The following RGSL1 variants were observed in gnomAD, a reference collection of about 807,000 sequenced individuals.
RGSL1 encodes regulator of G protein signaling protein-like.
Under a neutral mutation model 124.7 loss-of-function variants are expected in RGSL1, and 97 were observed. The observed-to-expected ratio is 0.78, with a 90% CI of 0.66 to 0.92. The LOEUF is 0.92. Ranked by LOEUF, RGSL1 falls within the 40% of genes least tolerant of loss-of-function variation. The pLI is 0.00. For missense variants in RGSL1, 1,233 were observed against 1,288.4 expected, an observed-to-expected ratio of 0.96 and a Z score of 0.66; for synonymous variants, 424 against 438.1, an observed-to-expected ratio of 0.97 and a Z score of 0.40.
intron 19 of RGSL1, among the ~76,000 whole-genome samples, chr1:182,553,919 C>T (rs1215350783): frequency 6.6e-6 from 1 of 152,158 alleles, no homozygotes; most frequent in African/African-American, 2.4e-5. Context: ...ACACTGAGAC[C>T]AACTGCTGAT....
chr1:182,522,206 T>C, intron 10 of RGSL1, 97 bp downstream of exon 10: 1 of 803,774 alleles, frequency 1.2e-6, no homozygotes, highest in Non-Finnish European at 2.0e-6. Context: ...TATGTGTAGG[T>C]TTTCAGACCC....
At chr1:182,469,367 C>T (rs34155813) in intron 4 of RGSL1, among the ~76,000 whole-genome samples, 1 of 152,028 alleles carries the variant, frequency 6.6e-6, no homozygotes. Context: ...TTAAACAAAA[C>T]ATTCCTCCAA....
chr1:182,500,823 T>G lies in RGSL1; in HGVS notation c.1825+7694T>G, dbSNP rs867645830. Among the ~76,000 whole-genome samples, 16 of 152,344 alleles carry G rather than the reference T, an allele frequency of 1.1e-4. No homozygotes were observed. In the South Asian group the frequency reaches 3.3e-3, roughly 32 times the overall value. On this transcript the variant is annotated intron_variant, in intron 9 of 21. Coordinates refer to ENST00000294854, the MANE Select transcript of RGSL1 (RefSeq NM_001137669.2). ...AGTATATAGAAATACAACTGATTATTGCATATTGAATTTGTATCCTAAAAC... is the reference window on the plus strand; with the variant it reads ...AGTATATAGAAATACAACTGATTATGGCATATTGAATTTGTATCCTAAAAC...
intron 5 of RGSL1, 129 bp downstream of exon 5, chr1:182,472,686 G>C: frequency 2.1e-6 from 2 of 950,572 alleles, no homozygotes; most frequent in Non-Finnish European, 3.0e-6. Flanking sequence ...AGAGAGGCTA[G>C]TGGCAACCCC....
rs774399391 is a variant in RGSL1, at chr1:182,540,398, A to G, written c.2646A>G (p.Leu882=). 1.5e-5 allele frequency: 23 copies of G among 1,550,328 alleles called. No individual in the cohort carries two copies. The South Asian group carries it at 2.5e-4, about 17-fold the overall frequency. ...IITVNFAIND[L]YFFSEMEKFN... ...CTGTCAACTTTGCGATCAATGATCT[A>G]TATTTCTTTTCTGAAATGGAGAAGT... The change falls in exon 15 of 22, where the codon CTA becomes CTG. Residue 882 remains leucine (L), a synonymous_variant. Transcript: ENST00000294854.
At chr1:182,478,292 A>G (rs1654445645) in intron 6 of RGSL1, among the ~76,000 whole-genome samples, 1 of 152,196 alleles carries the variant, frequency 6.6e-6, no homozygotes. Flanking sequence ...AAGAAAACAC[A>G]GATAAACATG....
intron 15 of RGSL1, among the ~76,000 whole-genome samples, chr1:182,541,649 C>G (rs1378753321): frequency 6.6e-6 from 1 of 152,174 alleles, no homozygotes; most frequent in Non-Finnish European, 1.5e-5. Flanking sequence ...TGAGGAAGCT[C>G]CATACTGTTT....
rs1661100681 is a variant in RGSL1, at chr1:182,560,350, A to G, written c.*237A>G. The G allele has an allele frequency of 6.6e-6, 1 of 152,238 alleles. No individual in the cohort carries two copies. The highest frequency in any genetic ancestry group is 1.5e-5 in the Non-Finnish European group (1 of 68,048). 9.4% of individuals were successfully genotyped at this position (152,238 alleles called of 1,614,324 possible). Reference sequence around the variant, plus strand: ...GAGGAAAGCAGAAACAGCAAGAGTGACTGAGACCTGCTGTCATCTATATAG... The same window carrying G: ...GAGGAAAGCAGAAACAGCAAGAGTGGCTGAGACCTGCTGTCATCTATATAG... On this transcript the variant is annotated 3_prime_UTR_variant, in exon 22 of 22. Transcript: ENST00000294854.
chr1:182,460,036 G>T lies in RGSL1; in HGVS notation c.204G>T (p.Leu68Phe). The T allele has an allele frequency of 1.9e-6, 3 of 1,551,590 alleles. No homozygotes were observed. Among genetic ancestry groups the T allele is most frequent in the Non-Finnish European group, 2.6e-6 (3 of 1,146,950 alleles). Residue 68 changes from leucine (L) to phenylalanine (F), a missense_variant, in exon 4 of 22, where the codon TTG becomes TTT. Transcript: ENST00000294854. ...IAKYKGLLTW[L>F]EKCRLPFFCK... ...AATACAAAGGGTTATTGACCTGGTTGGAAAAATGCCGATTACCTTTCTTCT... is the reference window on the plus strand; with the variant it reads ...AATACAAAGGGTTATTGACCTGGTTTGAAAAATGCCGATTACCTTTCTTCT...
At chr1:182,496,180 G>A (rs1438853828) in intron 9 of RGSL1, among the ~76,000 whole-genome samples, 1 of 152,074 alleles carries the variant, frequency 6.6e-6, no homozygotes, top group East Asian at 1.9e-4. Flanking sequence ...GCCAAAGGAA[G>A]AAACGGGGAG....
chr1:182,467,056 C>CA (rs908149405), intron 4 of RGSL1, among the ~76,000 whole-genome samples: 28 of 152,154 alleles, frequency 1.8e-4, no homozygotes, highest in African/African-American at 6.8e-4. Flanking sequence ...ATCCAACTTA[C>CA]AATGGATGTG....
intron 4 of RGSL1, among the ~76,000 whole-genome samples, chr1:182,470,985 G>A (rs1377048312): frequency 6.6e-6 from 1 of 152,122 alleles, no homozygotes; most frequent in Non-Finnish European, 1.5e-5. Context: ...GGATTAAAAT[G>A]CACACTAAGG....
chr1:182,484,368 T>C (rs1274561761), intron 6 of RGSL1, among the ~76,000 whole-genome samples: 1 of 151,970 alleles, frequency 6.6e-6, no homozygotes, highest in African/African-American at 2.4e-5. Flanking sequence ...CCACTCAGCT[T>C]AGGTATTGGT....
At chr1:182,544,122 A>G (rs1660062007) in intron 15 of RGSL1, among the ~76,000 whole-genome samples, 2 of 151,662 alleles carry the variant, frequency 1.3e-5, no homozygotes. Flanking sequence ...TACTTTTTTG[A>G]TGTAAGTATT....
At chr1:182,554,483 G>A in intron 19 of RGSL1, 144 bp from the exon 20 acceptor site, 9 of 673,286 alleles carry the variant, frequency 1.3e-5, no homozygotes, top group Non-Finnish European at 1.3e-5. Flanking sequence ...CCTGGAACAG[G>A]CCTGCTTTAC....
At chr1:182,451,191 T>C (rs1651792583) in intron 1 of RGSL1, among the ~76,000 whole-genome samples, 1 of 147,906 alleles carries the variant, frequency 6.8e-6, no homozygotes, top group Non-Finnish European at 1.5e-5. Flanking sequence ...GAAAGAACAA[T>C]TTATTCCACA....
chr1:182,518,857 C>T (rs1011836106), intron 9 of RGSL1, among the ~76,000 whole-genome samples: 6 of 145,656 alleles, frequency 4.1e-5, no homozygotes, highest in African/African-American at 9.9e-5. Context: ...CAGCATTGTA[C>T]ATTTGTTTTT....
intron 6 of RGSL1, among the ~76,000 whole-genome samples, chr1:182,482,480 G>A (rs1654783205): frequency 6.6e-6 from 1 of 152,192 alleles, no homozygotes. Context: ...TCATGCCTCT[G>A]TTTGCAGATG....
chr1:182,559,294 G>C (rs1425576442), intron 21 of RGSL1, among the ~76,000 whole-genome samples: 1 of 151,964 alleles, frequency 6.6e-6, no homozygotes, highest in East Asian at 1.9e-4. Context: ...ATCAGTTTTG[G>C]CCCCTTTATT....
Sources: gnomAD v4.1 joint callset for allele counts (sites outside exome capture counted in the v4.1 genomes callset) on GRCh38, gnomAD v4.1.1 for gene constraint, MANE v1.5 for transcripts, NCBI Gene and HGNC (gene_info 2026-07-23, HGNC 2026-07-21) for gene names.